The following DGKB variants were observed in gnomAD, a reference collection of about 807,000 sequenced individuals.
DGKB encodes 90 kDa diacylglycerol kinase.
A neutral mutation model predicts 114.3 loss-of-function variants in DGKB; 67 were observed. The observed-to-expected ratio is 0.59, with a 90% CI of 0.48 to 0.72. The LOEUF (loss-of-function observed/expected upper bound fraction) is 0.72, where lower values mean the gene tolerates loss of function less well. DGKB is among the 30% of genes least tolerant of loss of function. The pLI, the probability that DGKB is intolerant of heterozygous loss-of-function variation, is 0.00. For missense variants in DGKB, 907 were observed against 975.2 expected (o/e 0.93, Z 0.93); for synonymous variants, 398 against 323.1 (o/e 1.23, Z -2.49).
chr7:14,642,359 T>C (rs185090981), intron 13 of DGKB, among the ~76,000 whole-genome samples: 76 of 152,268 alleles, frequency 5.0e-4, no homozygotes, highest in African/African-American at 1.7e-3. Context: ...TTTTTCTTTA[T>C]TTTTGAGTTG....
chr7:14,277,957 C>T (rs945891170), intron 23 of DGKB, among the ~76,000 whole-genome samples: 1 of 152,158 alleles, frequency 6.6e-6, no homozygotes. Flanking sequence ...TTTTTATAAA[C>T]ACCATTTTAA....
intron 23 of DGKB, among the ~76,000 whole-genome samples, chr7:14,242,866 G>GTTTTT (rs10656701): frequency 6.8e-6 from 1 of 146,142 alleles, no homozygotes; most frequent in African/African-American, 2.5e-5. Context: ...TATGAAGGCT[G>GTTTTT]TTTTTTTTTT....
At chr7:14,540,044 T>C (rs945281968) in intron 20 of DGKB, among the ~76,000 whole-genome samples, 4 of 152,084 alleles carry the variant, frequency 2.6e-5, no homozygotes, top group Non-Finnish European at 4.4e-5. Flanking sequence ...ATCATTTATT[T>C]AATATTTCAC....
intron 1 of DGKB, among the ~76,000 whole-genome samples, chr7:14,947,293 A>T (rs1785937572): frequency 6.6e-6 from 1 of 151,676 alleles, no homozygotes; most frequent in South Asian, 2.1e-4. Flanking sequence ...TTTTGCTTGT[A>T]AAACAAACTT....
At chr7:14,184,865 G>T (rs1464976955) in intron 23 of DGKB, among the ~76,000 whole-genome samples, 1 of 152,014 alleles carries the variant, frequency 6.6e-6, no homozygotes, top group East Asian at 1.9e-4. Flanking sequence ...GGTATGCAAG[G>T]GACATACCTT....
intron 2 of DGKB, among the ~76,000 whole-genome samples, chr7:14,772,857 T>C (rs1837618938): frequency 6.6e-6 from 1 of 152,100 alleles, no homozygotes; most frequent in South Asian, 2.1e-4. Context: ...CTTTCTGCCT[T>C]TCTCACCCCT....
rs549614339 is a variant in DGKB, at chr7:14,793,947, C to T, written c.71-36216G>A. On this transcript the variant is annotated intron_variant, in intron 2 of 25. Coordinates refer to ENST00000402815, the MANE Select transcript of DGKB (RefSeq NM_001350709.2). ...GGAAGAAAGAACTTGCTTCTTTTTG[C>T]TTCCTGCCTGCCTGACTGAGCTCAT... Among the ~76,000 whole-genome samples, 28 of 152,212 alleles carry T rather than the reference C, an allele frequency of 1.8e-4. No homozygotes were observed. The South Asian group carries it at 5.4e-3, about 29-fold the overall frequency.
intron 1 of DGKB, among the ~76,000 whole-genome samples, chr7:14,923,139 T>G (rs1379341905): frequency 6.6e-6 from 1 of 152,228 alleles, no homozygotes; most frequent in Non-Finnish European, 1.5e-5. Flanking sequence ...GATATTGCTA[T>G]TGAGTCAGCT....
chr7:14,968,146 GT>G (rs1370971432), intron 1 of DGKB, among the ~76,000 whole-genome samples: 1 of 151,188 alleles, frequency 6.6e-6, no homozygotes, highest in Non-Finnish European at 1.5e-5. Context: ...CTCAAGACAA[GT>G]TTGATCTTTG....
intron 23 of DGKB, among the ~76,000 whole-genome samples, chr7:14,229,978 A>G (rs966418502): frequency 1.3e-5 from 2 of 152,036 alleles, no homozygotes; most frequent in Non-Finnish European, 2.9e-5. Context: ...GCCAAAAGGT[A>G]AAACTGCTTT....
At chr7:14,520,561 T>C (rs1789597131) in intron 20 of DGKB, among the ~76,000 whole-genome samples, 1 of 152,002 alleles carries the variant, frequency 6.6e-6, no homozygotes, top group Non-Finnish European at 1.5e-5. Context: ...TTTATTCTTC[T>C]TTGTGGTTTT....
intron 1 of DGKB, among the ~76,000 whole-genome samples, chr7:14,867,060 C>T (rs1405718224): frequency 2.0e-5 from 3 of 152,198 alleles, no homozygotes; most frequent in African/African-American, 7.2e-5. Context: ...GTCTTTGGCC[C>T]ATTTTTAATT....
At position 14,911,216 on chromosome 7, in the gene DGKB, C is replaced by A. The variant is rs113873142; in HGVS notation, c.-188+63480G>T. On this transcript the variant is annotated intron_variant, in intron 1 of 4. Transcript: ENST00000437998. ...ATATTTTATTTGCTTATCTTTAGTTCTTTGAAAAAAATAATGGAATCAGAA... is the reference window on the plus strand; with the variant it reads ...ATATTTTATTTGCTTATCTTTAGTTATTTGAAAAAAATAATGGAATCAGAA... Among the ~76,000 whole-genome samples, 949 of 151,666 alleles carry A rather than the reference C, an allele frequency of 6.3e-3. 13 individuals carry two copies. Among genetic ancestry groups the A allele is most frequent in the African/African-American group, 0.021 (888 of 41,368 alleles).
intron 21 of DGKB, among the ~76,000 whole-genome samples, chr7:14,466,899 C>T (rs1186807869): frequency 6.6e-6 from 1 of 152,022 alleles, no homozygotes; most frequent in Non-Finnish European, 1.5e-5. Flanking sequence ...TTGTCAGTCT[C>T]TTATTTTGAC....
At chr7:14,620,210 T>A (rs1807351340) in intron 15 of DGKB, among the ~76,000 whole-genome samples, 1 of 151,356 alleles carries the variant, frequency 6.6e-6, no homozygotes, top group Non-Finnish European at 1.5e-5. Flanking sequence ...AATTTTCTGT[T>A]CTCTAATATA....
At chr7:14,878,604 C>A (rs1176498277) in intron 1 of DGKB, among the ~76,000 whole-genome samples, 1 of 151,964 alleles carries the variant, frequency 6.6e-6, no homozygotes. Flanking sequence ...ACAAAATTAG[C>A]TGGGCGTAGT....
chr7:14,452,017 G>A (rs1831596837), intron 21 of DGKB, among the ~76,000 whole-genome samples: 1 of 152,090 alleles, frequency 6.6e-6, no homozygotes, highest in South Asian at 2.1e-4. Context: ...ACTCTTTTCT[G>A]AAGTCATTCA....
Position 14,580,971 on chromosome 7 carries a change from A to T in DGKB, c.1520-20T>A, listed in dbSNP as rs1170665428. On this transcript the variant is annotated intron_variant, in intron 18 of 25. Transcript: ENST00000402815. ...CCTTTTCTGCAGAATAAAAAAAAAT[A>T]CAAATAAAGAAAATTTTAAGTTCAG... 1.3e-6 allele frequency: 2 copies of T among 1,540,066 alleles called. No homozygotes were observed. The highest frequency in any genetic ancestry group is 8.8e-7 in the Non-Finnish European group (1 of 1,133,166).
intron 12 of DGKB, among the ~76,000 whole-genome samples, chr7:14,676,551 AC>A (rs1819889083): frequency 6.6e-6 from 1 of 152,094 alleles, no homozygotes; most frequent in Non-Finnish European, 1.5e-5. Flanking sequence ...AAATGTATAT[AC>A]CTACTAAGTA....
Sources: gnomAD v4.1 joint callset for allele counts (sites outside exome capture counted in the v4.1 genomes callset) on GRCh38, gnomAD v4.1.1 for gene constraint, MANE v1.5 for transcripts, NCBI Gene and HGNC (gene_info 2026-07-23, HGNC 2026-07-21) for gene names.